GEMIN8: variants seen among roughly 807,000 people sequenced by gnomAD.
The protein encoded by GEMIN8 is gem nuclear organelle associated protein 8.
For missense variants in GEMIN8, 185 were observed against 205.9 expected (o/e 0.90, Z 0.62); for synonymous variants, 80 against 78.5 (o/e 1.02, Z -0.10).
At chrX:14,024,405 A>C (rs551576667) in intron 2 of GEMIN8, among the ~76,000 whole-genome samples, 6 of 111,857 alleles carry the variant, frequency 5.4e-5, no homozygotes, top group African/African-American at 2.0e-4. Flanking sequence ...AGGCTGAGGC[A>C]CAAGAATTGC....
At chrX:13,996,964 GTCTC>G in the GEMIN8 span, among the ~76,000 whole-genome samples, 1 of 87,125 alleles carries the variant, frequency 1.1e-5, no homozygotes, top group African/African-American at 4.5e-5. Context: ...TTGAGACAGA[GTCTC>G]TCTCTGTTGC....
At chrX:14,000,053 C>G in the GEMIN8 span, among the ~76,000 whole-genome samples, 180 of 111,081 alleles carry the variant, frequency 1.6e-3, 4 homozygotes, top group East Asian at 0.045. Context: ...ACGTGTAATC[C>G]CAGCACTTTG....
chrX:14,012,000 C>T (rs1442641186), intron 4 of GEMIN8, among the ~76,000 whole-genome samples: 1 of 111,563 alleles, frequency 9.0e-6, no homozygotes, highest in Non-Finnish European at 1.9e-5. Context: ...TCAGCGTGTG[C>T]CCATGGGTTA....
chrX:14,022,362 C>T (rs772134849), intron 2 of GEMIN8, among the ~76,000 whole-genome samples: 1 of 110,914 alleles, frequency 9.0e-6, no homozygotes, highest in African/African-American at 3.3e-5. Context: ...TCTCAGCCAG[C>T]ATGTGACATC....
intron 4 of GEMIN8, among the ~76,000 whole-genome samples, chrX:14,011,072 G>A (rs1454165787): frequency 1.8e-5 from 2 of 112,167 alleles, no homozygotes; most frequent in African/African-American, 6.5e-5. Context: ...TTCCGCAAGA[G>A]TTCTGTGTGT....
chrX:14,025,952 G>A (rs1924666895), intron 2 of GEMIN8, 188 bp downstream of exon 2: 5 of 383,091 alleles, frequency 1.3e-5, no homozygotes, highest in Non-Finnish European at 1.7e-5. Context: ...TTTTCTTCAC[G>A]CATGGAGAAC....
chrX:13,998,744 G>A, the GEMIN8 span, among the ~76,000 whole-genome samples: 62 of 111,531 alleles, frequency 5.6e-4, no homozygotes, highest in African/African-American at 2.0e-3. Context: ...ATGAGCCACT[G>A]CACTTGGCTT....
rs771838743 is a variant in GEMIN8, at chrX:14,026,131, A to G, written c.-34+9T>C. ...TTAATGGTCTTTAATTCGATCTTTC[A>G]TTCCTCACCTCCCTGGGAATGTCTC... On this transcript the variant is annotated intron_variant, in intron 2 of 4. Coordinates refer to ENST00000680255, the MANE Select transcript of GEMIN8 (RefSeq NM_001042479.2). 1 of 746,777 alleles carries G rather than the reference A, an allele frequency of 1.3e-6. No homozygotes were observed. Among genetic ancestry groups the G allele is most frequent in the African/African-American group, 2.3e-5 (1 of 43,187 alleles). The allele number at this position is 746,777 out of a possible 1,213,427, so 61.5% of individuals were successfully genotyped here. A position where few individuals can be genotyped will look rare whatever the true frequency, so the allele number is the denominator to read the frequency against.
intron 2 of GEMIN8, among the ~76,000 whole-genome samples, chrX:14,022,647 T>A (rs1924448595): frequency 8.9e-6 from 1 of 112,038 alleles, no homozygotes; most frequent in African/African-American, 3.2e-5. Context: ...GAATGTACTT[T>A]TAAAAAGTTA....
chrX:14,026,111 G>C, intron 2 of GEMIN8, 29 bp downstream of exon 2: 3 of 743,966 alleles, frequency 4.0e-6, no homozygotes, highest in Non-Finnish European at 4.8e-6. Flanking sequence ...GGTCTTTAAT[G>C]GTCTTTAATT....
chrX:14,011,522 T>TC (rs1923542611), intron 4 of GEMIN8, among the ~76,000 whole-genome samples: 1 of 81,835 alleles, frequency 1.2e-5, no homozygotes, highest in Non-Finnish European at 2.3e-5. Flanking sequence ...CTCTCTTTTT[T>TC]TTTTTTTTTT....
intron 2 of GEMIN8, among the ~76,000 whole-genome samples, chrX:14,025,798 A>G (rs1328750363): frequency 8.9e-6 from 1 of 112,193 alleles, no homozygotes; most frequent in African/African-American, 3.2e-5. Context: ...CAAACAGGAC[A>G]GAGCTCTGAA....
At chrX:14,021,942 ATATATG>A (rs1230334433) in intron 2 of GEMIN8, among the ~76,000 whole-genome samples, 1 of 98,351 alleles carries the variant, frequency 1.0e-5, no homozygotes, top group Non-Finnish European at 2.0e-5. Context: ...ATACACACAT[ATATATG>A]TATATGTATG....
chrX:14,009,133 C>T lies in GEMIN8; in HGVS notation c.509G>A (p.Ser170Asn). The T allele has an allele frequency of 8.3e-7, 1 of 1,211,427 alleles. No individual in the cohort carries two copies. The highest frequency in any genetic ancestry group is 1.1e-6 in the Non-Finnish European group (1 of 894,836). ...CAGGTCGTGGTCAGCGTTCACATAG[C>T]TGTCCAGGCGCTCTGCATCCAGCTG... ...QQQLDAERLD[S>N]YVNADHDLYC... The change falls in exon 5 of 5, where the codon AGC becomes AAC. Residue 170 changes from serine (S) to asparagine (N), a missense_variant. By Grantham distance (46) the Ser-to-Asn change is conservative. Coordinates refer to ENST00000680255, the MANE Select transcript of GEMIN8 (RefSeq NM_001042479.2).
At chrX:13,997,580 AG>A in the GEMIN8 span, among the ~76,000 whole-genome samples, 1 of 111,952 alleles carries the variant, frequency 8.9e-6, no homozygotes, top group Non-Finnish European at 1.9e-5. Context: ...AACTTACACA[AG>A]GGGCAATTTT....
the GEMIN8 span, chrX:13,988,802 A>C: frequency 7.0e-5 from 7 of 99,363 alleles, no homozygotes; most frequent in African/African-American, 2.6e-4. Flanking sequence ...GTATCATTCC[A>C]TGTCAATACA....
At chrX:14,014,183 T>A (rs1224777626) in intron 4 of GEMIN8, 67 of 752,147 alleles carry the variant, frequency 8.9e-5, no homozygotes, top group Non-Finnish European at 1.0e-4. Flanking sequence ...TTCCCCTCAC[T>A]TTCCTAGGAC....
At chrX:13,984,877 T>G in the GEMIN8 span, among the ~76,000 whole-genome samples, 727 of 110,517 alleles carry the variant, frequency 6.6e-3, 4 homozygotes, top group Non-Finnish European at 0.011. Flanking sequence ...GGCAAGGGAG[T>G]TGGGGTATTT....
downstream of GEMIN8, among the ~76,000 whole-genome samples, chrX:14,004,820 C>T (rs933823175): frequency 1.8e-5 from 2 of 111,642 alleles, no homozygotes; most frequent in African/African-American, 3.3e-5. Flanking sequence ...GCCTTGGCCT[C>T]CCAAAGTGCT....
Sources: allele counts gnomAD v4.1 joint callset (sites outside exome capture counted in the v4.1 genomes callset), GRCh38; gene constraint gnomAD v4.1.1; transcripts MANE v1.5; gene names NCBI Gene and HGNC (gene_info 2026-07-23, HGNC 2026-07-21).